The following CFAP299 variants were observed in gnomAD, a reference collection of about 807,000 sequenced individuals.
CFAP299 encodes cilia and flagella associated protein 299, also known as cilia- and flagella-associated protein 299.
Under a neutral mutation model 27.0 loss-of-function variants are expected in CFAP299, and 21 were observed. The observed-to-expected ratio is 0.78, with a 90% CI of 0.55 to 1.12. CFAP299 has a LOEUF of 1.12. Ranked by LOEUF, CFAP299 falls within the 50% of genes most tolerant of loss-of-function variation. CFAP299 has a pLI of 0.00. For synonymous variants in CFAP299, 104 were observed against 98.1 expected (o/e 1.06, Z -0.36); for missense variants, 310 against 276.6 (o/e 1.12, Z -0.86).
intron 2 of CFAP299, among the ~76,000 whole-genome samples, chr4:80,527,650 C>G (rs565600510): frequency 6.6e-6 from 1 of 152,236 alleles, no homozygotes; most frequent in South Asian, 2.1e-4. Flanking sequence ...GGTCTGTTCT[C>G]CATTTCACCG....
chr4:80,668,746 G>A (rs1201541762), intron 3 of CFAP299, among the ~76,000 whole-genome samples: 2 of 152,040 alleles, frequency 1.3e-5, no homozygotes, highest in Non-Finnish European at 2.9e-5. Context: ...GATGCCTCCA[G>A]CTTTGTTCTT....
intron 3 of CFAP299, among the ~76,000 whole-genome samples, chr4:80,668,933 C>T (rs929551637): frequency 1.3e-5 from 2 of 151,770 alleles, no homozygotes; most frequent in Non-Finnish European, 2.9e-5. Context: ...AATATTAATT[C>T]CTTAAATCCA....
At chr4:80,877,445 T>C (rs1233339949) in intron 4 of CFAP299, among the ~76,000 whole-genome samples, 1 of 152,216 alleles carries the variant, frequency 6.6e-6, no homozygotes, top group African/African-American at 2.4e-5. Context: ...AAATTATTCA[T>C]GCACAGTTTG....
intron 2 of CFAP299, among the ~76,000 whole-genome samples, chr4:80,568,768 C>T (rs111364549): frequency 1.4e-4 from 22 of 152,042 alleles, no homozygotes; most frequent in African/African-American, 4.8e-4. Flanking sequence ...CTTGTATAGA[C>T]GTTTTTAGAG....
At chr4:80,441,738 C>T (rs1022038215) in intron 2 of CFAP299, among the ~76,000 whole-genome samples, 5 of 152,042 alleles carry the variant, frequency 3.3e-5, no homozygotes, top group African/African-American at 1.2e-4. Flanking sequence ...GCTAAATGCC[C>T]CAATTAAAAG....
intron 2 of CFAP299, among the ~76,000 whole-genome samples, chr4:80,507,608 T>G (rs1040573837): frequency 6.6e-6 from 1 of 152,194 alleles, no homozygotes; most frequent in Non-Finnish European, 1.5e-5. Context: ...CAAAAAGAGA[T>G]GCCAACTCCA....
intron 3 of CFAP299, among the ~76,000 whole-genome samples, chr4:80,758,631 C>A (rs758766736): frequency 6.6e-6 from 1 of 152,162 alleles, no homozygotes; most frequent in African/African-American, 2.4e-5. Flanking sequence ...GACCTATGTT[C>A]CATAACATAT....
At chr4:80,686,556 G>T (rs1720208651) in intron 3 of CFAP299, among the ~76,000 whole-genome samples, 1 of 152,100 alleles carries the variant, frequency 6.6e-6, no homozygotes, top group Non-Finnish European at 1.5e-5. Context: ...AATGCTGCCC[G>T]AGTTCTCATA....
intron 4 of CFAP299, among the ~76,000 whole-genome samples, chr4:80,904,423 C>A (rs1202347152): frequency 6.6e-6 from 1 of 152,138 alleles, no homozygotes; most frequent in Non-Finnish European, 1.5e-5. Context: ...AGTTGGGAAC[C>A]TTTTGCTTGG....
At chr4:80,601,007 A>G (rs1737316829) in intron 3 of CFAP299, among the ~76,000 whole-genome samples, 1 of 152,152 alleles carries the variant, frequency 6.6e-6, no homozygotes, top group South Asian at 2.1e-4. Context: ...GTCTGTATTT[A>G]TTGAATGCTT....
chr4:80,657,892 C>T (rs151310906), intron 3 of CFAP299, among the ~76,000 whole-genome samples: 1 of 152,206 alleles, frequency 6.6e-6, no homozygotes, highest in East Asian at 1.9e-4. Flanking sequence ...TTTGTGTCCT[C>T]TCAAATAATT....
At chr4:80,589,628 T>C (rs922773844) in intron 3 of CFAP299, among the ~76,000 whole-genome samples, 4 of 152,082 alleles carry the variant, frequency 2.6e-5, no homozygotes, top group Admixed American at 2.0e-4. Context: ...AATCAACAAC[T>C]GAACAGATTA....
chr4:80,766,073 G>T lies in CFAP299; in HGVS notation c.334-103920G>T, dbSNP rs538805316. ...ACTCATGAATCTTAAGACTTGAGAA[G>T]CACAATAAGTTAACTGCAGGATAAA... On this transcript the variant is annotated intron_variant, in intron 3 of 5. Coordinates refer to ENST00000358105, the MANE Select transcript of CFAP299 (RefSeq NM_152770.3). Among the ~76,000 whole-genome samples the T allele has an allele frequency of 5.9e-5, 9 of 152,108 alleles. 1 individual carries two copies. Among genetic ancestry groups the T allele is most frequent in the African/African-American group, 2.2e-4 (9 of 41,508 alleles).
chr4:80,349,807 C>T (rs1722932162), intron 1 of CFAP299, among the ~76,000 whole-genome samples: 1 of 152,126 alleles, frequency 6.6e-6, no homozygotes, highest in African/African-American at 2.4e-5. Context: ...GAATGGTTAG[C>T]ATTAGAATTA....
At chr4:80,730,498 G>T (rs182833312) in intron 3 of CFAP299, among the ~76,000 whole-genome samples, 7 of 151,630 alleles carry the variant, frequency 4.6e-5, no homozygotes, top group African/African-American at 1.7e-4. Context: ...TCTGGTGGCT[G>T]CTGGGCACAG....
intron 3 of CFAP299, among the ~76,000 whole-genome samples, chr4:80,636,343 C>T (rs17537389): frequency 0.024 from 3,650 of 152,112 alleles, 76 homozygotes; most frequent in Middle Eastern, 0.058. Context: ...TTTGTAACCA[C>T]TCAGAAGTGT....
chr4:80,731,380 C>G (rs570528135), intron 3 of CFAP299, among the ~76,000 whole-genome samples: 2 of 152,264 alleles, frequency 1.3e-5, no homozygotes, highest in African/African-American at 4.8e-5. Context: ...TCCTTGAAAC[C>G]TCCACTGATA....
chr4:80,742,319 A>T (rs528090973), intron 3 of CFAP299, among the ~76,000 whole-genome samples: 6 of 152,162 alleles, frequency 3.9e-5, no homozygotes, highest in African/African-American at 7.2e-5. Flanking sequence ...TAGCATTCTT[A>T]TAGAAAAAAC....
chr4:80,613,419 A>C (rs1300692677), intron 3 of CFAP299, among the ~76,000 whole-genome samples: 1 of 152,112 alleles, frequency 6.6e-6, no homozygotes, highest in Non-Finnish European at 1.5e-5. Context: ...GTTAATTCAA[A>C]TAGATTTAAA....
Sources: gnomAD v4.1 joint callset for allele counts (sites outside exome capture counted in the v4.1 genomes callset) on GRCh38, gnomAD v4.1.1 for gene constraint, MANE v1.5 for transcripts, NCBI Gene and HGNC (gene_info 2026-07-23, HGNC 2026-07-21) for gene names.